PCDHA3: variants seen among roughly 807,000 people sequenced by gnomAD.
The protein encoded by PCDHA3 is protocadherin alpha 3, also known as protocadherin alpha-3.
PCDHA3 carries 41 observed loss-of-function variants against 62.2 expected under a neutral mutation model. The ratio of observed to expected loss-of-function variants is 0.66; its 90% CI spans 0.51 to 0.86. PCDHA3 has a LOEUF of 0.86. Among genes scored for constraint, PCDHA3 ranks in the 40% least tolerant of loss-of-function variants. The pLI, the probability that PCDHA3 is intolerant of heterozygous loss-of-function variation, is 0.00. For missense variants in PCDHA3, 1,304 were observed against 1,241.2 expected, an observed-to-expected ratio of 1.05 and a Z score of -0.76; for synonymous variants, 640 against 555.4, an observed-to-expected ratio of 1.15 and a Z score of -2.14.
chr5:140,972,316 G>GTT (rs112435719), intron 1 of PCDHA3, among the ~76,000 whole-genome samples: 1 of 139,858 alleles, frequency 7.2e-6, no homozygotes, highest in Non-Finnish European at 1.6e-5. Flanking sequence ...GTTTTTAGGT[G>GTT]TTTTTTTTTT....
intron 1 of PCDHA3, among the ~76,000 whole-genome samples, chr5:140,950,294 C>T (rs1396440202): frequency 6.6e-6 from 1 of 151,970 alleles, no homozygotes; most frequent in African/African-American, 2.4e-5. Context: ...ACCTGAAAAA[C>T]TTTACTTAGC....
chr5:140,828,648 G>C (rs1769869572), intron 1 of PCDHA3: 1 of 1,614,194 alleles, frequency 6.2e-7, no homozygotes, highest in Non-Finnish European at 8.5e-7. Flanking sequence ...AAAATAAACA[G>C]TGATGACAAT....
At chr5:140,967,731 G>T in intron 1 of PCDHA3, 1 of 1,614,164 alleles carries the variant, frequency 6.2e-7, no homozygotes, top group African/African-American at 1.3e-5. Context: ...GTAATTGGGG[G>T]GCTGGATTAT....
intron 1 of PCDHA3, among the ~76,000 whole-genome samples, chr5:140,919,973 A>T (rs1554199334): frequency 7.5e-6 from 1 of 133,994 alleles, no homozygotes; most frequent in Non-Finnish European, 1.7e-5. Context: ...TAAATAAGAG[A>T]TAGAAGATGG....
intron 1 of PCDHA3, among the ~76,000 whole-genome samples, chr5:140,938,642 CCTT>C (rs1554212266): frequency 6.6e-6 from 1 of 151,942 alleles, no homozygotes; most frequent in East Asian, 1.9e-4. Flanking sequence ...GATGTATAAT[CCTT>C]CTTTATATCA....
intron 1 of PCDHA3, among the ~76,000 whole-genome samples, chr5:140,945,500 T>A (rs2093799104): frequency 6.6e-6 from 1 of 152,046 alleles, no homozygotes; most frequent in South Asian, 2.1e-4. Flanking sequence ...CAAAGCAATA[T>A]TGAGCAAAGT....
intron 1 of PCDHA3, chr5:140,814,541 A>G (rs2126656456): frequency 1.5e-4 from 23 of 152,116 alleles, no homozygotes; most frequent in African/African-American, 4.6e-4. Flanking sequence ...TAAAGCAGTA[A>G]CATTTACTAT....
At chr5:141,004,348 C>A (rs1554259549) in intron 3 of PCDHA3, among the ~76,000 whole-genome samples, 1 of 152,216 alleles carries the variant, frequency 6.6e-6, no homozygotes, top group Non-Finnish European at 1.5e-5. Context: ...CTGTGAGGGA[C>A]TGGAGAGACC....
rs1395413340 is a variant in PCDHA3 at position 140,844,044 on chromosome 5, A to G, written c.2394+40453A>G. ...GGGCATTTTGATCTTTGGTGAAAGT[A>G]TTCCCCCAAAGCGTTTATTCTTTTG... On this transcript the variant is annotated intron_variant, in intron 1 of 3. Coordinates refer to ENST00000522353, the MANE Select transcript of PCDHA3 (RefSeq NM_018906.3). 1.3e-5 allele frequency among the ~76,000 whole-genome samples: 2 copies of G among 149,664 alleles called. 1 individual carries two copies. The highest frequency in any genetic ancestry group is 4.9e-5 in the African/African-American group (2 of 40,852).
rs1282110712 is a variant in PCDHA3, at chr5:140,926,177, A to G, written c.2395-52772A>G. Among the ~76,000 whole-genome samples the G allele has an allele frequency of 2.0e-5, 3 of 151,672 alleles. No individual in the cohort carries two copies. The South Asian group carries it at 6.6e-4, about 34-fold the overall frequency. On this transcript the variant is annotated intron_variant, in intron 1 of 3. Coordinates refer to ENST00000522353, the MANE Select transcript of PCDHA3 (RefSeq NM_018906.3). ...CTCTGCAGCAGGATCCAGCGCGGAA[A>G]GCCCCCCGCAGCACTTCTTTCGGGG...
At chr5:140,933,220 T>G (rs1179526168) in intron 1 of PCDHA3, among the ~76,000 whole-genome samples, 3 of 151,968 alleles carry the variant, frequency 2.0e-5, no homozygotes, top group African/African-American at 7.2e-5. Flanking sequence ...TCTGTTATAT[T>G]GCATTTATGA....
chr5:140,835,384 G>A, intron 1 of PCDHA3: 1 of 1,613,998 alleles, frequency 6.2e-7, no homozygotes, highest in Non-Finnish European at 8.5e-7. Flanking sequence ...GCTGGTCATT[G>A]TACAGTTCTT....
At chr5:140,829,927 G>A in intron 1 of PCDHA3, 3 of 1,614,016 alleles carry the variant, frequency 1.9e-6, no homozygotes, top group Non-Finnish European at 2.5e-6. Context: ...ATGAGCTGCA[G>A]CCCCCGGCAA....
chr5:140,940,841 C>T (rs246072), intron 1 of PCDHA3, among the ~76,000 whole-genome samples: 86,358 of 151,986 alleles, frequency 0.57, 25,200 homozygotes, highest in African/African-American at 0.71. Context: ...CCTTTCTTCA[C>T]GATAGATTTT....
At chr5:140,807,302 G>A (rs189135254) in intron 1 of PCDHA3, 127 of 1,614,152 alleles carry the variant, frequency 7.9e-5, no homozygotes, top group Non-Finnish European at 5.1e-6. Flanking sequence ...CTCCGAGGAG[G>A]CCAAACACGG....
chr5:140,989,127 A>G (rs914524582), intron 3 of PCDHA3: 2 of 152,216 alleles, frequency 1.3e-5, no homozygotes, highest in Non-Finnish European at 2.9e-5. Context: ...TAGAAAAATA[A>G]GACACTTTAT....
chr5:140,904,039 A>T (rs947456842), intron 1 of PCDHA3, among the ~76,000 whole-genome samples: 5 of 152,138 alleles, frequency 3.3e-5, no homozygotes, highest in Non-Finnish European at 7.4e-5. Context: ...TAACTTTTTA[A>T]TTTTTTTATT....
intron 1 of PCDHA3, chr5:140,827,923 C>A: frequency 1.0e-6 from 1 of 965,886 alleles, no homozygotes; most frequent in Non-Finnish European, 1.5e-6. Context: ...CGCTGTCTAC[C>A]ATGAAGTTAT....
At chr5:140,953,254 C>A (rs1483553184) in intron 1 of PCDHA3, among the ~76,000 whole-genome samples, 3 of 152,098 alleles carry the variant, frequency 2.0e-5, no homozygotes, top group Non-Finnish European at 2.9e-5. Flanking sequence ...CAGTTTAGTT[C>A]TTTTAGCTTT....
Sources: allele counts gnomAD v4.1 joint callset (sites outside exome capture counted in the v4.1 genomes callset), GRCh38; gene constraint gnomAD v4.1.1; transcripts MANE v1.5; gene names NCBI Gene and HGNC (gene_info 2026-07-23, HGNC 2026-07-21).